The following TESK2 variants were observed in gnomAD, a reference collection of about 807,000 sequenced individuals.
TESK2 encodes dual specificity testis-specific protein kinase 2.
TESK2 carries 39 observed loss-of-function variants against 57.1 expected under a neutral mutation model. The observed-to-expected ratio is 0.68, with a 90% CI of 0.53 to 0.89. The LOEUF (loss-of-function observed/expected upper bound fraction) is 0.89. Ranked by LOEUF, TESK2 falls within the 40% of genes least tolerant of loss-of-function variation. The pLI is 0.00. For synonymous variants in TESK2, 249 were observed against 267.9 expected (o/e 0.93, Z 0.69); for missense variants, 646 against 732.1 (o/e 0.88, Z 1.36).
intron 2 of TESK2, among the ~76,000 whole-genome samples, chr1:45,432,758 C>CTTTTTTTT (rs1300292630): frequency 4.6e-5 from 4 of 87,640 alleles, no homozygotes; most frequent in South Asian, 4.7e-4. Context: ...AATATTATAA[C>CTTTTTTTT]TTTTTTTTTT....
In TESK2 at chr1:45,457,660, C is replaced by A. The variant is rs756543195; in HGVS notation, c.126G>T (p.Ser42=). 1.2e-6 allele frequency: 2 copies of A among 1,614,130 alleles called. No individual in the cohort carries two copies. Among genetic ancestry groups the A allele is most frequent in the South Asian group, 1.1e-5 (1 of 91,086 alleles). Residue 42 remains serine (S), a synonymous_variant, in exon 2 of 11, where the codon TCG becomes TCT. Transcript: ENST00000372086. ...VSQVGRVWPS[S]YRALISAFSR... ...AAAAGGCACTTATAAGAGCTCGATA[C>A]GAAGATGGCCAAACTCTTCCCACCT...
intron 2 of TESK2, among the ~76,000 whole-genome samples, chr1:45,445,640 A>G (rs1023225984): frequency 6.6e-6 from 1 of 151,416 alleles, no homozygotes; most frequent in Non-Finnish European, 1.5e-5. Context: ...AAAAAAAAAA[A>G]AAAAAATCAG....
intron 1 of TESK2, among the ~76,000 whole-genome samples, chr1:45,464,736 A>C (rs561471748): frequency 1.3e-5 from 2 of 152,332 alleles, no homozygotes; most frequent in African/African-American, 4.8e-5. Context: ...TACAGCACAG[A>C]AGACAGAATT....
chr1:45,422,759 T>TTGTTGTTGTTGTTGTTGTTG (rs1570714206), intron 2 of TESK2, among the ~76,000 whole-genome samples: 102 of 147,008 alleles, frequency 6.9e-4, no homozygotes, highest in South Asian at 5.6e-3. Flanking sequence ...TGTCTGGTTT[T>TTGTTGTTGTTGTTGTTGTTG]TTGTTGTTGT....
At chr1:45,401,304 G>A (rs1171441321) in intron 3 of TESK2, among the ~76,000 whole-genome samples, 1 of 151,920 alleles carries the variant, frequency 6.6e-6, no homozygotes, top group Non-Finnish European at 1.5e-5. Context: ...GGCTGAGGCA[G>A]GAGAATTGCT....
intron 2 of TESK2, among the ~76,000 whole-genome samples, chr1:45,447,343 A>T (rs1179904985): frequency 7.3e-5 from 11 of 149,892 alleles, no homozygotes; most frequent in South Asian, 2.1e-4. Context: ...TTTCTATTAA[A>T]TTTTTTTTTT....
At chr1:45,484,758 G>A (rs992163907) in intron 1 of TESK2, among the ~76,000 whole-genome samples, 56 of 147,348 alleles carry the variant, frequency 3.8e-4, no homozygotes, top group African/African-American at 1.0e-3. Flanking sequence ...AGGGCCGGGC[G>A]CGGTGGCCCA....
At chr1:45,357,236 AATAAATGT>A (rs1445717934) in intron 4 of TESK2, among the ~76,000 whole-genome samples, 98 of 140,130 alleles carry the variant, frequency 7.0e-4, no homozygotes, top group African/African-American at 2.2e-3. Flanking sequence ...TAAATAAATA[AATAAATGT>A]ATGTATGTAT....
At chr1:45,436,181 C>CTTTT (rs1170732475) in intron 2 of TESK2, among the ~76,000 whole-genome samples, 11,278 of 55,130 alleles carry the variant, frequency 0.2, 3,001 homozygotes, top group East Asian at 0.39. Flanking sequence ...TTGGTATCTT[C>CTTTT]TTTTTTTTTT....
chr1:45,485,327 A>G (rs1169405180), intron 1 of TESK2, among the ~76,000 whole-genome samples: 1 of 150,778 alleles, frequency 6.6e-6, no homozygotes, highest in African/African-American at 2.4e-5. Flanking sequence ...AGCTGGGACG[A>G]CATACATGTG....
At chr1:45,460,148 A>G (rs1036609226) in intron 1 of TESK2, among the ~76,000 whole-genome samples, 2 of 152,002 alleles carry the variant, frequency 1.3e-5, no homozygotes, top group Admixed American at 6.6e-5. Flanking sequence ...TCCAAACCTC[A>G]GCACCACACA....
intron 2 of TESK2, among the ~76,000 whole-genome samples, chr1:45,440,198 C>T (rs913098497): frequency 8.6e-5 from 13 of 151,836 alleles, no homozygotes; most frequent in South Asian, 8.3e-4. Flanking sequence ...GTGATCTGTC[C>T]GCCTCTGCCT....
intron 2 of TESK2, among the ~76,000 whole-genome samples, chr1:45,426,168 G>A (rs1350220740): frequency 1.3e-5 from 2 of 151,888 alleles, no homozygotes; most frequent in African/African-American, 2.4e-5. Context: ...AAAAAAGAAA[G>A]AAACTGGAGG....
chr1:45,417,623 G>A (rs1650296278), intron 3 of TESK2, among the ~76,000 whole-genome samples: 1 of 150,874 alleles, frequency 6.6e-6, no homozygotes, highest in African/African-American at 2.4e-5. Flanking sequence ...ACAGAGTCTC[G>A]CTCTGTCGCC....
intron 2 of TESK2, among the ~76,000 whole-genome samples, chr1:45,423,749 G>A (rs1650577282): frequency 1.3e-5 from 2 of 152,082 alleles, no homozygotes; most frequent in Admixed American, 1.3e-4. Context: ...ACAGAGGAAA[G>A]TCTACTTCTA....
At chr1:45,458,401 C>A (rs1652198039) in intron 1 of TESK2, among the ~76,000 whole-genome samples, 1 of 152,050 alleles carries the variant, frequency 6.6e-6, no homozygotes, top group African/African-American at 2.4e-5. Flanking sequence ...CCCATCTCTA[C>A]TAAAAATACA....
intron 4 of TESK2, among the ~76,000 whole-genome samples, chr1:45,371,186 A>T (rs1648163628): frequency 6.6e-6 from 1 of 152,220 alleles, no homozygotes; most frequent in South Asian, 2.1e-4. Flanking sequence ...CTACAGAAAA[A>T]AAATATGGCA....
At chr1:45,377,156 G>A (rs1429400656) in intron 4 of TESK2, among the ~76,000 whole-genome samples, 2 of 152,098 alleles carry the variant, frequency 1.3e-5, no homozygotes, top group Non-Finnish European at 2.9e-5. Flanking sequence ...AGGGTTTGAG[G>A]CTGCAGTGAG....
intron 2 of TESK2, among the ~76,000 whole-genome samples, chr1:45,436,801 T>TC (rs1295568307): frequency 7.0e-6 from 1 of 143,254 alleles, no homozygotes; most frequent in African/African-American, 2.6e-5. Flanking sequence ...ATTAGTATCT[T>TC]TTTTTTTTTT....
Sources: allele counts gnomAD v4.1 joint callset (sites outside exome capture counted in the v4.1 genomes callset), GRCh38; gene constraint gnomAD v4.1.1; transcripts MANE v1.5; gene names NCBI Gene and HGNC (gene_info 2026-07-23, HGNC 2026-07-21).